Variants in SPAG16 observed in about 807,000 individuals in gnomAD.
SPAG16 encodes the protein sperm-associated antigen 16 protein.
SPAG16 carries 86 observed loss-of-function variants against 80.4 expected under a neutral mutation model. The ratio of observed to expected loss-of-function variants is 1.07; its 90% confidence interval spans 0.90 to 1.28. SPAG16 has a LOEUF of 1.28. SPAG16 is among the 50% of genes most tolerant of loss of function. The pLI, the probability that SPAG16 is intolerant of heterozygous loss-of-function variation, is 0.00. For missense variants in SPAG16, 870 were observed against 765.3 expected (o/e 1.14, Z -1.61); for synonymous variants, 294 against 265.9 (o/e 1.11, Z -1.03).
At chr2:213,464,399 C>G (rs1362627710) in intron 9 of SPAG16, among the ~76,000 whole-genome samples, 3 of 152,126 alleles carry the variant, frequency 2.0e-5, no homozygotes, top group African/African-American at 4.8e-5. Context: ...GTACTGTATA[C>G]CTAGTGCCTT....
At chr2:213,769,352 G>A (rs1478613831) in intron 10 of SPAG16, among the ~76,000 whole-genome samples, 1 of 152,078 alleles carries the variant, frequency 6.6e-6, no homozygotes, top group Non-Finnish European at 1.5e-5. Flanking sequence ...TAGTTCATTT[G>A]CGGTAGAATA....
chr2:214,319,255 T>TTGTG (rs1695927465), intron 15 of SPAG16, among the ~76,000 whole-genome samples: 1 of 115,146 alleles, frequency 8.7e-6, no homozygotes, highest in Admixed American at 9.1e-5. Flanking sequence ...AAAGGTCAGG[T>TTGTG]TGTGTTTAGA....
intron 15 of SPAG16, among the ~76,000 whole-genome samples, chr2:214,366,068 T>C (rs1264572306): frequency 6.6e-6 from 1 of 150,746 alleles, no homozygotes; most frequent in East Asian, 2.0e-4. Context: ...AACCTCTGCC[T>C]CCCAAATTCA....
At chr2:213,643,656 T>C (rs1209123544) in intron 10 of SPAG16, among the ~76,000 whole-genome samples, 1 of 150,500 alleles carries the variant, frequency 6.6e-6, no homozygotes, top group Non-Finnish European at 1.5e-5. Flanking sequence ...ATTTGCCCTT[T>C]GGAGGCTATT....
intron 14 of SPAG16, among the ~76,000 whole-genome samples, chr2:214,146,610 C>T (rs2055650435): frequency 1.3e-5 from 2 of 152,198 alleles, no homozygotes; most frequent in African/African-American, 2.4e-5. Context: ...GCATCTGCCT[C>T]ACTAGCTAAC....
At chr2:213,729,830 T>G (rs1373716196) in intron 10 of SPAG16, among the ~76,000 whole-genome samples, 1 of 152,192 alleles carries the variant, frequency 6.6e-6, no homozygotes, top group African/African-American at 2.4e-5. Flanking sequence ...GAAGGTATTC[T>G]CTTTAGGCCT....
intron 13 of SPAG16, among the ~76,000 whole-genome samples, chr2:214,031,461 G>A: frequency 1.1e-5 from 1 of 91,152 alleles, no homozygotes; most frequent in Non-Finnish European, 2.1e-5. Flanking sequence ...GGGGGGAGGG[G>A]GGAGGGATAG....
intron 7 of SPAG16, among the ~76,000 whole-genome samples, chr2:213,361,789 C>CCACACA (rs10585217): frequency 0.14 from 19,708 of 139,822 alleles, 1,450 homozygotes; most frequent in Middle Eastern, 0.26. Flanking sequence ...ACTGATAATG[C>CCACACA]CACACACACA....
chr2:213,911,084 C>T (rs958370020), intron 11 of SPAG16, among the ~76,000 whole-genome samples: 5 of 152,088 alleles, frequency 3.3e-5, no homozygotes, highest in Non-Finnish European at 7.4e-5. Context: ...AAGTGATTAC[C>T]ATCAATCTGG....
intron 10 of SPAG16, among the ~76,000 whole-genome samples, chr2:213,735,972 G>A (rs2067264117): frequency 6.6e-6 from 1 of 152,126 alleles, no homozygotes; most frequent in Non-Finnish European, 1.5e-5. Flanking sequence ...ATCCTAATGA[G>A]GATGACTGGA....
intron 14 of SPAG16, among the ~76,000 whole-genome samples, chr2:214,110,707 G>A (rs958243417): frequency 2.6e-5 from 4 of 152,134 alleles, no homozygotes; most frequent in African/African-American, 9.7e-5. Context: ...TTGAGGAATC[G>A]CCACATTGTC....
intron 9 of SPAG16, among the ~76,000 whole-genome samples, chr2:213,480,986 A>G (rs190637893): frequency 5.3e-4 from 81 of 152,344 alleles, no homozygotes; most frequent in Admixed American, 7.8e-4. Flanking sequence ...TGCAATTTCA[A>G]TTACAAAAAT....
chr2:213,746,722 A>G (rs917607583), intron 10 of SPAG16, among the ~76,000 whole-genome samples: 25 of 152,118 alleles, frequency 1.6e-4, no homozygotes, highest in African/African-American at 5.8e-4. Context: ...CAGGAGAATC[A>G]CTTGAACCCA....
intron 9 of SPAG16, among the ~76,000 whole-genome samples, chr2:213,446,031 A>G (rs2071287975): frequency 6.6e-6 from 1 of 152,190 alleles, no homozygotes; most frequent in African/African-American, 2.4e-5. Flanking sequence ...CCAATCAACT[A>G]AATCCAACTT....
intron 9 of SPAG16, among the ~76,000 whole-genome samples, chr2:213,408,610 C>T (rs1393375488): frequency 6.6e-6 from 1 of 152,138 alleles, no homozygotes; most frequent in Non-Finnish European, 1.5e-5. Context: ...TACAAAGGTC[C>T]GACCAGACCC....
At chr2:214,034,753 C>T (rs749642615) in intron 13 of SPAG16, among the ~76,000 whole-genome samples, 16 of 152,176 alleles carry the variant, frequency 1.1e-4, no homozygotes, top group Admixed American at 3.3e-4. Context: ...AACTGCAAAG[C>T]CCCATAGAGG....
chr2:214,345,740 G>A (rs1197091496), intron 15 of SPAG16, among the ~76,000 whole-genome samples: 1 of 151,982 alleles, frequency 6.6e-6, no homozygotes, highest in Non-Finnish European at 1.5e-5. Flanking sequence ...TATGCTGACT[G>A]ATAACACCAT....
At chr2:214,011,862 T>C (rs982574887) in intron 12 of SPAG16, among the ~76,000 whole-genome samples, 1 of 152,168 alleles carries the variant, frequency 6.6e-6, no homozygotes, top group Non-Finnish European at 1.5e-5. Flanking sequence ...TTTTGATGTC[T>C]CAAAAATGCT....
intron 12 of SPAG16, among the ~76,000 whole-genome samples, chr2:214,006,950 C>A (rs1455918962): frequency 6.6e-6 from 1 of 152,130 alleles, no homozygotes; most frequent in East Asian, 1.9e-4. Flanking sequence ...TCCTTCCCCC[C>A]CACCACCATA....
Sources: allele counts gnomAD v4.1 joint callset (sites outside exome capture counted in the v4.1 genomes callset), GRCh38; gene constraint gnomAD v4.1.1; transcripts MANE v1.5; gene names NCBI Gene and HGNC (gene_info 2026-07-23, HGNC 2026-07-21).